ESR2: variants seen among roughly 807,000 people sequenced by gnomAD.
ESR2 encodes the protein estrogen receptor beta.
ESR2 carries 36 observed loss-of-function variants against 49.6 expected under a neutral mutation model. The ratio of observed to expected loss-of-function variants is 0.73; its 90% CI spans 0.56 to 0.96. The LOEUF is 0.96. ESR2 is among the 40% of genes least tolerant of loss of function. The probability of loss-of-function intolerance (pLI) is 0.00; values close to 1 mark genes in which losing one functional copy is unlikely to be tolerated. For synonymous variants in ESR2, 320 were observed against 266.1 expected (o/e 1.20, Z -1.97); for missense variants, 714 against 693.0 (o/e 1.03, Z -0.34).
chr14:64,300,928 A>C (rs1166312149), intron 1 of ESR2, among the ~76,000 whole-genome samples: 1 of 152,094 alleles, frequency 6.6e-6, no homozygotes, highest in Non-Finnish European at 1.5e-5. Flanking sequence ...GTGTTTGCTC[A>C]CAGATGATGA....
intron 1 of ESR2, among the ~76,000 whole-genome samples, chr14:64,313,309 T>TA (rs571359435): frequency 8.5e-4 from 129 of 152,106 alleles, no homozygotes; most frequent in African/African-American, 2.8e-3. Flanking sequence ...AAGGCGGGTG[T>TA]ATCACCTGAG....
Position 64,232,885 on chromosome 14 carries a change from T to G in ESR2, c.*252A>C. 5.8e-6 allele frequency: 3 copies of G among 516,830 alleles called. No homozygotes were observed. The highest frequency in any genetic ancestry group is 9.2e-6 in the Non-Finnish European group (3 of 326,512). The allele number at this position is 516,830 out of a possible 1,614,324, so 32.0% of individuals were successfully genotyped here. ...AGAAGGAAAGTAAGAAAGACCACAC[T>G]GAGATCCTATGAGGCCATTGAGTGT... is the stretch of plus-strand genomic sequence containing the variant. On this transcript the variant is annotated 3_prime_UTR_variant, in exon 9 of 9. Coordinates refer to ENST00000341099, the MANE Select transcript of ESR2 (RefSeq NM_001437.3).
chr14:64,268,917 G>A lies in ESR2; in HGVS notation c.536-6C>T, dbSNP rs2076385016. The A allele has an allele frequency of 6.6e-7, 1 of 1,509,848 alleles. No homozygotes were observed. Among genetic ancestry groups the A allele is most frequent in the East Asian group, 2.3e-5 (1 of 44,346 alleles). 93.5% of individuals were successfully genotyped at this position (1,509,848 alleles called of 1,614,324 possible). ...ACAAATATAATCATTATGTCCTATA[G>A]CAGAGTGGGAGGGAAAAAAAGATTA... On this transcript the variant is annotated splice_polypyrimidine_tract_variant and splice_region_variant and intron_variant, in intron 3 of 8. Transcript: ENST00000341099.
In ESR2 at chr14:64,242,347, C is replaced by T. The variant is rs546175812; in HGVS notation, c.1226-7197G>A. Among the ~76,000 whole-genome samples, 31 of 150,090 alleles carry T rather than the reference C, an allele frequency of 2.1e-4. 1 individual carries two copies. The highest frequency in any genetic ancestry group is 3.1e-4 in the Non-Finnish European group (21 of 67,724). On this transcript the variant is annotated intron_variant, in intron 7 of 8. Coordinates refer to ENST00000341099, the MANE Select transcript of ESR2 (RefSeq NM_001437.3). ...GATTGAACCCAGCAGGCAGAGGTTG[C>T]GGTGAGCCCTGAGATAGCACCAATG...
chr14:64,238,217 G>A (rs1393783960), intron 7 of ESR2, among the ~76,000 whole-genome samples: 1 of 152,190 alleles, frequency 6.6e-6, no homozygotes, highest in Non-Finnish European at 1.5e-5. Context: ...GCCAAGGCCA[G>A]ACCCTGGGCC....
At position 64,235,033 on chromosome 14, in the gene ESR2, G is replaced by A. The variant is rs1430918216; in HGVS notation, c.1343C>T (p.Ser448Phe). The A allele has an allele frequency of 6.2e-7, 1 of 1,614,230 alleles. No homozygotes were observed. The highest frequency in any genetic ancestry group is 8.5e-7 in the Non-Finnish European group (1 of 1,180,038). Reference sequence around the variant, plus strand: ...AGCCAGGCGCATGGATTGCTGCTGGGAGGAGATGCCGCTCTTGGCAATCAC... The same window carrying A: ...AGCCAGGCGCATGGATTGCTGCTGGAAGGAGATGCCGCTCTTGGCAATCAC... ...VWVIAKSGIS[S>F]QQQSMRLANL... Residue 448 changes from serine to phenylalanine, a missense_variant, in exon 8 of 9, where the codon TCC (serine) becomes TTC (phenylalanine). Transcript: ENST00000341099.
rs112815397 is a variant in ESR2, at chr14:64,233,146, C to T, written c.1584G>A (p.Gln528=). Reference sequence around the variant, plus strand: ...ACCTCAGGGCCAGGCGTCACTGAGACTGTGGGTTCTGGGAGCCCTCTTTGC... The same window carrying T: ...ACCTCAGGGCCAGGCGTCACTGAGATTGTGGGTTCTGGGAGCCCTCTTTGC... ...SKSKEGSQNP[Q]SQ is the part of the protein sequence containing the mutation. The change falls in exon 9 of 9, where the codon CAG becomes CAA. Residue 528 remains glutamine, a synonymous_variant. Transcript: ENST00000341099. 63 of 1,613,400 alleles carry T rather than the reference C, an allele frequency of 3.9e-5. 2 individuals carry two copies. The African/African-American group carries it at 4.4e-4, about 11-fold the overall frequency.
chr14:64,288,466 G>A (rs893239096), intron 1 of ESR2, among the ~76,000 whole-genome samples: 15 of 151,142 alleles, frequency 9.9e-5, no homozygotes, highest in Non-Finnish European at 2.1e-4. Context: ...TCCTGCCTCA[G>A]CCTCTCAAGT....
intron 1 of ESR2, among the ~76,000 whole-genome samples, chr14:64,300,258 C>A (rs1366032397): frequency 6.6e-6 from 1 of 152,184 alleles, no homozygotes; most frequent in Non-Finnish European, 1.5e-5. Context: ...CAGATGCACA[C>A]CTGCCTCCTT....
At chr14:64,284,358 C>T (rs1384442644) in intron 1 of ESR2, among the ~76,000 whole-genome samples, 1 of 151,842 alleles carries the variant, frequency 6.6e-6, no homozygotes, top group Non-Finnish European at 1.5e-5. Flanking sequence ...TGGAGTTTCA[C>T]TCTTGTTGCC....
At chr14:64,286,166 C>G (rs2076781718) in intron 1 of ESR2, among the ~76,000 whole-genome samples, 1 of 152,002 alleles carries the variant, frequency 6.6e-6, no homozygotes, top group Non-Finnish European at 1.5e-5. Flanking sequence ...CACTTCCAAC[C>G]AACATTGTAA....
chr14:64,269,029 G>A (rs2076387459), intron 3 of ESR2, 118 bp from the exon 4 acceptor site: 1 of 686,384 alleles, frequency 1.5e-6, no homozygotes, highest in South Asian at 1.7e-5. Context: ...TCTTCTTAAT[G>A]ACCAGTACAG....
rs764783863 is a variant in ESR2 at position 64,280,141 on chromosome 14, T to C, written c.375A>G (p.Lys125=). 2.5e-6 allele frequency: 4 copies of C among 1,613,906 alleles called. No individual in the cohort carries two copies. In the East Asian group the frequency reaches 8.9e-5, roughly 36 times the overall value. Residue 125 remains lysine, a synonymous_variant, in exon 3 of 9, where the codon AAA becomes AAG. Transcript: ENST00000341099. ...CGCAACGGTTCCCACTAACCTTCCT[T>C]TTCAGTGTCTCTCTAGGGAGCAAAG... ...HTLPVNRETL[K]RKVSGNRCAS... is the part of the protein sequence containing the mutation.
intron 1 of ESR2, among the ~76,000 whole-genome samples, chr14:64,335,281 A>G (rs1238346587): frequency 6.6e-6 from 1 of 152,224 alleles, no homozygotes; most frequent in Non-Finnish European, 1.5e-5. Context: ...TATGCATTCT[A>G]TTAGATAACC....
At chr14:64,249,879 T>C (rs1214392829) in intron 6 of ESR2, among the ~76,000 whole-genome samples, 200 bp from the exon 7 acceptor site, 1 of 152,256 alleles carries the variant, frequency 6.6e-6, no homozygotes, top group Non-Finnish European at 1.5e-5. Flanking sequence ...ATAAAGAAGA[T>C]AGGCCATTTC....
At chr14:64,268,753 T>C (rs998587399) in intron 4 of ESR2, 42 bp downstream of exon 4, 1 of 1,177,758 alleles carries the variant, frequency 8.5e-7, no homozygotes, top group Non-Finnish European at 1.3e-6. Flanking sequence ...ACAGGGCTTT[T>C]AGCAAGGCCC....
intron 1 of ESR2, among the ~76,000 whole-genome samples, chr14:64,302,037 C>A (rs2077026257): frequency 6.6e-6 from 1 of 151,970 alleles, no homozygotes; most frequent in Non-Finnish European, 1.5e-5. Context: ...TTCAAGCAGG[C>A]CCAATTGTGA....
At chr14:64,244,010 CAACTT>C (rs1305872211) in intron 7 of ESR2, among the ~76,000 whole-genome samples, 3 of 152,118 alleles carry the variant, frequency 2.0e-5, no homozygotes, top group Admixed American at 6.5e-5. Context: ...TCTTAGGTGT[CAACTT>C]GACTGGATAA....
chr14:64,242,050 C>T (rs2075739396), intron 7 of ESR2, among the ~76,000 whole-genome samples: 1 of 152,104 alleles, frequency 6.6e-6, no homozygotes, highest in South Asian at 2.1e-4. Context: ...TCCTTCTATT[C>T]CTTGTTTGTA....
Sources: allele counts gnomAD v4.1 joint callset (sites outside exome capture counted in the v4.1 genomes callset), GRCh38; gene constraint gnomAD v4.1.1; transcripts MANE v1.5; gene names NCBI Gene and HGNC (gene_info 2026-07-23, HGNC 2026-07-21).